Variants in MED12L observed in about 807,000 individuals in gnomAD.
MED12L encodes mediator complex subunit 12L.
MED12L carries 60 observed loss-of-function variants against 281.3 expected under a neutral mutation model. That is an observed-to-expected ratio of 0.21 (90% CI 0.17 to 0.26). The LOEUF (loss-of-function observed/expected upper bound fraction) is 0.26, where lower values mean the gene tolerates loss of function less well. Ranked by LOEUF, MED12L falls within the 10% of genes least tolerant of loss-of-function variation. MED12L has a pLI of 1.00. For synonymous variants in MED12L, 974 were observed against 987.2 expected, an observed-to-expected ratio of 0.99 and a Z score of 0.25; for missense variants, 2,146 against 2,680.9, an observed-to-expected ratio of 0.80 and a Z score of 4.41.
In MED12L at chr3:151,193,486, T is replaced by C; in HGVS notation, c.2074-4T>C. 6.2e-7 allele frequency: 1 copy of C among 1,609,628 alleles called. No individual in the cohort carries two copies. Among genetic ancestry groups the C allele is most frequent in the Non-Finnish European group, 8.5e-7 (1 of 1,177,530 alleles). ...ATCTCCAACATTTGTTTTACATGAC[T>C]TAGATTTTTTCTCCTATGCCTGGAG... On this transcript the variant is annotated splice_region_variant and splice_polypyrimidine_tract_variant and intron_variant, in intron 15 of 44. Coordinates refer to ENST00000687756, the MANE Select transcript of MED12L (RefSeq NM_001393769.1).
At chr3:151,359,399 G>A (rs1754334553) in intron 20 of MED12L, among the ~76,000 whole-genome samples, 1 of 152,090 alleles carries the variant, frequency 6.6e-6, no homozygotes, top group Non-Finnish European at 1.5e-5. Flanking sequence ...CCCATCTGTT[G>A]ATGTCATTTC....
At chr3:151,370,816 A>C (rs1215410852) in intron 26 of MED12L, among the ~76,000 whole-genome samples, 2 of 152,232 alleles carry the variant, frequency 1.3e-5, no homozygotes, top group African/African-American at 4.8e-5. Flanking sequence ...TATAAATGAC[A>C]AATATGCTAA....
chr3:151,116,405 A>T lies in MED12L; in HGVS notation c.167A>T (p.His56Leu). The T allele has an allele frequency of 1.2e-6, 2 of 1,613,410 alleles. No individual in the cohort carries two copies. Among genetic ancestry groups the T allele is most frequent in the Non-Finnish European group, 1.7e-6 (2 of 1,179,524 alleles). Residue 56 changes from histidine to leucine, a missense_variant, in exon 3 of 45, where the codon CAT (histidine) becomes CTT (leucine). This residue lies in a region of MED12L where 722 missense variants were observed against 861.2 expected (regional missense o/e 0.84). Transcript: ENST00000687756. ...CAGCCAGCCTTCACTGGAGATGAAC[A>T]TGGCTCAGCCAGAAATATTGTAATT... ...NNQPAFTGDEHGSARNIVINP... is the reference protein window; with the variant it reads ...NNQPAFTGDELGSARNIVINP...
At chr3:151,368,015 G>A in intron 24 of MED12L, 135 bp from the exon 25 acceptor site, 3 of 833,006 alleles carry the variant, frequency 3.6e-6, no homozygotes, top group South Asian at 1.8e-5. Context: ...CAGAAAAATA[G>A]CCAGGGCCTT....
At chr3:151,135,744 G>A (rs529951023) in intron 5 of MED12L, among the ~76,000 whole-genome samples, 3 of 152,296 alleles carry the variant, frequency 2.0e-5, no homozygotes, top group Non-Finnish European at 2.9e-5. Context: ...AGCAGGCTGC[G>A]GGACTGGTGG....
intron 23 of MED12L, among the ~76,000 whole-genome samples, chr3:151,366,998 G>T (rs1755362630): frequency 6.6e-6 from 1 of 152,102 alleles, no homozygotes; most frequent in Admixed American, 6.5e-5. Context: ...TTGGCATATG[G>T]TGCGAATCAG....
intron 16 of MED12L, among the ~76,000 whole-genome samples, chr3:151,225,641 T>G (rs563792365): frequency 6.6e-6 from 1 of 152,308 alleles, no homozygotes; most frequent in African/African-American, 2.4e-5. Flanking sequence ...TCGGTAGCTG[T>G]CTCATCCGTG....
intron 16 of MED12L, among the ~76,000 whole-genome samples, chr3:151,235,807 A>T (rs913252020): frequency 2.0e-5 from 3 of 152,154 alleles, no homozygotes; most frequent in Admixed American, 6.5e-5. Flanking sequence ...TGTGGCTGCC[A>T]CATGCTGGTC....
intron 2 of MED12L, among the ~76,000 whole-genome samples, chr3:151,096,941 C>G (rs921877635): frequency 1.3e-5 from 2 of 152,200 alleles, no homozygotes. Context: ...GGTAACTCTT[C>G]AGCTCACCAC....
At chr3:151,356,657 G>C (rs1231908412) in intron 19 of MED12L, among the ~76,000 whole-genome samples, 2 of 151,548 alleles carry the variant, frequency 1.3e-5, no homozygotes, top group Non-Finnish European at 2.9e-5. Context: ...TTTTCTTTTG[G>C]TCTTTGTTAT....
intron 2 of MED12L, among the ~76,000 whole-genome samples, chr3:151,090,246 A>G (rs527277006): frequency 7.2e-5 from 11 of 152,110 alleles, no homozygotes; most frequent in South Asian, 6.2e-4. Flanking sequence ...GAGTGATAAT[A>G]CTACTTAACT....
rs1720110585 is a variant in MED12L at position 151,435,851 on chromosome 3, C to T, written c.*3047C>T. On this transcript the variant is annotated 3_prime_UTR_variant, in exon 45 of 45. Coordinates refer to ENST00000687756, the MANE Select transcript of MED12L (RefSeq NM_001393769.1). ...TATATATAATAGACCTAGACCCTCCCAAGCATTTTCCCATCCCATAAAGAA... is the reference window on the plus strand; with the variant it reads ...TATATATAATAGACCTAGACCCTCCTAAGCATTTTCCCATCCCATAAAGAA... 6.6e-6 allele frequency: 1 copy of T among 152,080 alleles called. No individual in the cohort carries two copies. The highest frequency in any genetic ancestry group is 1.5e-5 in the Non-Finnish European group (1 of 68,010). 9.4% of individuals were successfully genotyped at this position (152,080 alleles called of 1,614,324 possible).
chr3:151,328,307 T>A, intron 16 of MED12L: 1 of 1,613,968 alleles, frequency 6.2e-7, no homozygotes. Flanking sequence ...CAGCTTTTTG[T>A]TGTTTTTTCT....
chr3:151,367,071 G>C (rs1427424215), intron 23 of MED12L, among the ~76,000 whole-genome samples: 1 of 152,154 alleles, frequency 6.6e-6, no homozygotes, highest in Non-Finnish European at 1.5e-5. Flanking sequence ...GTGAGATCTA[G>C]AAAGGTAAAG....
chr3:151,091,874 T>C (rs1340228169), intron 2 of MED12L, among the ~76,000 whole-genome samples: 1 of 152,206 alleles, frequency 6.6e-6, no homozygotes, highest in Non-Finnish European at 1.5e-5. Context: ...GGAATGAGGT[T>C]TGTATTTCTT....
At chr3:151,095,001 G>A (rs995442070) in intron 2 of MED12L, among the ~76,000 whole-genome samples, 33 of 152,182 alleles carry the variant, frequency 2.2e-4, no homozygotes, top group African/African-American at 8.0e-4. Flanking sequence ...GCTGGAGTTA[G>A]GACTGTTAGG....
At chr3:151,290,566 A>G (rs1254150559) in intron 16 of MED12L, among the ~76,000 whole-genome samples, 3 of 151,918 alleles carry the variant, frequency 2.0e-5, no homozygotes, top group Non-Finnish European at 4.4e-5. Flanking sequence ...AAATTTTTCT[A>G]TAAGTTAATT....
intron 18 of MED12L, among the ~76,000 whole-genome samples, chr3:151,355,547 A>G (rs1753802897): frequency 6.6e-6 from 1 of 152,206 alleles, no homozygotes; most frequent in African/African-American, 2.4e-5. Context: ...TCTGTTGATG[A>G]TTGAAATAAA....
chr3:151,223,660 G>A (rs1229586941), intron 16 of MED12L, among the ~76,000 whole-genome samples: 1 of 152,250 alleles, frequency 6.6e-6, no homozygotes, highest in South Asian at 2.1e-4. Flanking sequence ...CACAAAGATG[G>A]GAACAGTAGA....
Sources: allele counts gnomAD v4.1 joint callset (sites outside exome capture counted in the v4.1 genomes callset), GRCh38; gene constraint gnomAD v4.1.1; regional missense constraint gnomAD v4.1.1; transcripts MANE v1.5; gene names NCBI Gene and HGNC (gene_info 2026-07-23, HGNC 2026-07-21).